TOPBP1: variants seen among roughly 807,000 people sequenced by gnomAD.
The protein encoded by TOPBP1 is DNA topoisomerase II binding protein 1, also known as DNA topoisomerase 2-binding protein 1.
In TOPBP1, 28 loss-of-function variants were observed where a neutral mutation model predicts 167.7. The observed-to-expected ratio is 0.17, with a 90% CI of 0.12 to 0.23. The LOEUF is 0.23. Among genes scored for constraint, TOPBP1 ranks in the 10% least tolerant of loss-of-function variants. The pLI, the probability that TOPBP1 is intolerant of heterozygous loss-of-function variation, is 1.00. For missense variants in TOPBP1, 1,554 were observed against 1,809.6 expected (o/e 0.86, Z 2.56); for synonymous variants, 598 against 611.4 (o/e 0.98, Z 0.32).
At chr3:133,639,020 G>A (rs1935774327) in intron 13 of TOPBP1, among the ~76,000 whole-genome samples, 1 of 152,110 alleles carries the variant, frequency 6.6e-6, no homozygotes, top group South Asian at 2.1e-4. Flanking sequence ...GGCCATCCTT[G>A]GTGAGTCAAG....
intron 8 of TOPBP1, among the ~76,000 whole-genome samples, chr3:133,650,193 G>T (rs74645116): frequency 0.14 from 21,933 of 152,040 alleles, 1,891 homozygotes; most frequent in Non-Finnish European, 0.2. Context: ...TGGCTATAAA[G>T]AAAATAGAAG....
intron 10 of TOPBP1, among the ~76,000 whole-genome samples, chr3:133,648,557 G>A (rs544881414): frequency 2.0e-5 from 3 of 152,236 alleles, no homozygotes; most frequent in African/African-American, 7.2e-5. Flanking sequence ...CAGCACTTTG[G>A]GAGGCCAAGG....
chr3:133,616,973 A>T, intron 22 of TOPBP1, 48 bp from the exon 23 acceptor site: 1 of 1,310,310 alleles, frequency 7.6e-7, no homozygotes, highest in Non-Finnish European at 1.0e-6. Context: ...AAAAATGATC[A>T]GATACACAGT....
chr3:133,617,950 G>C (rs1934954793), intron 21 of TOPBP1, among the ~76,000 whole-genome samples: 1 of 152,026 alleles, frequency 6.6e-6, no homozygotes, highest in Non-Finnish European at 1.5e-5. Flanking sequence ...TAGAATAAAA[G>C]AACAATGGTA....
chr3:133,627,207 C>T (rs1329982659), intron 16 of TOPBP1, among the ~76,000 whole-genome samples: 1 of 152,066 alleles, frequency 6.6e-6, no homozygotes, highest in African/African-American at 2.4e-5. Flanking sequence ...ATTTTTTATA[C>T]TGAGAGGACT....
chr3:133,610,797 T>G (rs141021853), intron 25 of TOPBP1, among the ~76,000 whole-genome samples: 129 of 152,232 alleles, frequency 8.5e-4, no homozygotes, highest in Admixed American at 3.0e-3. Flanking sequence ...ACCCCTGACA[T>G]TAGATGCTGA....
chr3:133,606,667 AG>A (rs1218583320), intron 27 of TOPBP1, among the ~76,000 whole-genome samples: 1 of 152,174 alleles, frequency 6.6e-6, no homozygotes, highest in Non-Finnish European at 1.5e-5. Flanking sequence ...ACAGTAGGAA[AG>A]GTATCAACAA....
At chr3:133,656,139 G>A (rs1936473311) in intron 5 of TOPBP1, among the ~76,000 whole-genome samples, 1 of 151,322 alleles carries the variant, frequency 6.6e-6, no homozygotes, top group Non-Finnish European at 1.5e-5. Context: ...AGCTCCATGA[G>A]GGAAGTGACT....
chr3:133,627,455 G>C (rs1346481414), intron 16 of TOPBP1, among the ~76,000 whole-genome samples: 1 of 152,010 alleles, frequency 6.6e-6, no homozygotes, highest in Admixed American at 6.6e-5. Flanking sequence ...ATTTATAATA[G>C]GTAATACAAA....
intron 14 of TOPBP1, among the ~76,000 whole-genome samples, chr3:133,634,528 T>A (rs1008904705): frequency 4.9e-4 from 74 of 151,344 alleles, no homozygotes; most frequent in Middle Eastern, 3.4e-3. Flanking sequence ...AAAAAAAAGA[T>A]AAAAGATAAA....
Position 133,656,704 on chromosome 3 carries a change from T to G in TOPBP1, c.517A>C (p.Lys173Gln). Residue 173 changes from lysine (K) to glutamine (Q), a missense_variant, in exon 5 of 28, where the codon AAA becomes CAA. This residue lies in a region of TOPBP1 where 1,197 missense variants were observed against 1,351.5 expected (regional missense o/e 0.89). Transcript: ENST00000260810. The stretch of plus-strand genomic sequence containing the variant: ...TCTTGTGACTTCTCCCAAAGTGTTT[T>G]TATCCAAGAGGGAAGCAAAATAGGT... ...KKPILLPSWIKTLWEKSQEKK... is the reference protein window; with the variant it reads ...KKPILLPSWIQTLWEKSQEKK... 1 of 1,606,582 alleles carries G rather than the reference T, an allele frequency of 6.2e-7. No homozygotes were observed. The highest frequency in any genetic ancestry group is 2.2e-5 in the East Asian group (1 of 44,724).
At chr3:133,619,602 A>G (rs190206768) in intron 20 of TOPBP1, among the ~76,000 whole-genome samples, 314 of 152,302 alleles carry the variant, frequency 2.1e-3, no homozygotes, top group Middle Eastern at 6.8e-3. Context: ...TAACTTTAAG[A>G]TTTTACATAT....
intron 10 of TOPBP1, among the ~76,000 whole-genome samples, chr3:133,647,767 G>A (rs1485016383): frequency 3.3e-5 from 5 of 151,964 alleles, no homozygotes; most frequent in Non-Finnish European, 7.4e-5. Flanking sequence ...TTAATGGATG[G>A]GTAAAACAGA....
Position 133,647,534 on chromosome 3 carries a change from G to A in TOPBP1, c.1504+1849C>T, listed in dbSNP as rs149013502. ...TTTTGATAGGTTTAATGTGTTTTAA[G>A]AAATAAAGAACAAAAAATACAAATA... On this transcript the variant is annotated intron_variant, in intron 10 of 27. Coordinates refer to ENST00000260810, the MANE Select transcript of TOPBP1 (RefSeq NM_007027.4). 2.8e-3 allele frequency among the ~76,000 whole-genome samples: 420 copies of A among 152,218 alleles called. 3 individuals are homozygous for A. In the Middle Eastern group the frequency reaches 0.034, roughly 12 times the overall value.
intron 13 of TOPBP1, among the ~76,000 whole-genome samples, chr3:133,639,206 C>T (rs1310122104): frequency 6.6e-6 from 1 of 152,130 alleles, no homozygotes; most frequent in African/African-American, 2.4e-5. Flanking sequence ...GACTTGGAAC[C>T]AACCCAAATG....
intron 12 of TOPBP1, among the ~76,000 whole-genome samples, chr3:133,641,208 T>C (rs994516576): frequency 1.3e-5 from 2 of 152,224 alleles, no homozygotes; most frequent in African/African-American, 2.4e-5. Context: ...ATCCTATTTA[T>C]TGAATAAGCC....
Position 133,660,987 on chromosome 3 carries a change from A to G in TOPBP1, c.84+57T>C, listed in dbSNP as rs1344165344. 2.2e-6 allele frequency: 3 copies of G among 1,355,614 alleles called. No individual in the cohort carries two copies. In the Admixed American group the frequency reaches 8.6e-5, roughly 39 times the overall value. 84.0% of individuals were successfully genotyped at this position (1,355,614 alleles called of 1,614,324 possible). A position where few individuals can be genotyped will look rare whatever the true frequency, so the allele number is the denominator to read the frequency against. On this transcript the variant is annotated intron_variant, in intron 2 of 27. Transcript: ENST00000260810. Reference sequence around the variant, plus strand: ...CTAAGACATAAAGCCCAACAAATCAAAAACACTTAAAAACAAGAAAATGAA... The same window carrying G: ...CTAAGACATAAAGCCCAACAAATCAGAAACACTTAAAAACAAGAAAATGAA...
intron 10 of TOPBP1, among the ~76,000 whole-genome samples, chr3:133,648,063 C>A (rs183891737): frequency 1.3e-5 from 2 of 152,178 alleles, no homozygotes; most frequent in Non-Finnish European, 1.5e-5. Context: ...CTCTAGGACA[C>A]AAAAACCAAA....
chr3:133,632,693 C>T (rs1030070570), intron 14 of TOPBP1, among the ~76,000 whole-genome samples: 1 of 152,210 alleles, frequency 6.6e-6, no homozygotes, highest in Admixed American at 6.5e-5. Flanking sequence ...GCCTCTCAGA[C>T]TCAAGCCTCC....
Sources: gnomAD v4.1 joint callset for allele counts (sites outside exome capture counted in the v4.1 genomes callset) on GRCh38, gnomAD v4.1.1 for gene constraint, gnomAD v4.1.1 regional missense constraint, MANE v1.5 for transcripts, NCBI Gene and HGNC (gene_info 2026-07-23, HGNC 2026-07-21) for gene names.